Variants in GABBR2 observed in about 807,000 individuals in gnomAD.
The protein encoded by GABBR2 is G-protein coupled receptor 51.
Under a neutral mutation model 105.6 loss-of-function variants are expected in GABBR2, and 23 were observed. The ratio of observed to expected loss-of-function variants is 0.22; its 90% CI spans 0.16 to 0.31. GABBR2 has a LOEUF of 0.31. Among genes scored for constraint, GABBR2 ranks in the 10% least tolerant of loss-of-function variants. The pLI, the probability that GABBR2 is intolerant of heterozygous loss-of-function variation, is 1.00. For synonymous variants in GABBR2, 478 were observed against 499.7 expected, an observed-to-expected ratio of 0.96 and a Z score of 0.58; for missense variants, 734 against 1,245.5, an observed-to-expected ratio of 0.59 and a Z score of 6.18.
At chr9:98,313,770 CT>C (rs1830671937) in intron 13 of GABBR2, among the ~76,000 whole-genome samples, 1 of 149,508 alleles carries the variant, frequency 6.7e-6, no homozygotes, top group African/African-American at 2.5e-5. Flanking sequence ...GAAGAAGGTA[CT>C]TTGATGGGAC....
intron 6 of GABBR2, among the ~76,000 whole-genome samples, chr9:98,457,879 G>T (rs2131608898): frequency 6.6e-6 from 1 of 152,318 alleles, no homozygotes; most frequent in South Asian, 2.1e-4. Flanking sequence ...CAAGGCAGAA[G>T]AATTTCTTCC....
At chr9:98,476,402 A>C (rs1930416) in intron 5 of GABBR2, among the ~76,000 whole-genome samples, 63,285 of 152,032 alleles carry the variant, frequency 0.42, 14,579 homozygotes, top group Non-Finnish European at 0.52. Flanking sequence ...TTGGGGAAAA[A>C]AATAATACAG....
At chr9:98,333,271 C>T (rs1018860126) in intron 13 of GABBR2, among the ~76,000 whole-genome samples, 7 of 152,196 alleles carry the variant, frequency 4.6e-5, no homozygotes, top group African/African-American at 1.7e-4. Context: ...CTTCTCCTAT[C>T]TAGGCCCATT....
chr9:98,372,840 C>T (rs1257092183), intron 11 of GABBR2, among the ~76,000 whole-genome samples: 1 of 152,222 alleles, frequency 6.6e-6, no homozygotes, highest in Non-Finnish European at 1.5e-5. Context: ...GATTGCAAGG[C>T]TGACCCACTA....
chr9:98,335,602 G>C (rs1831100386), intron 13 of GABBR2, among the ~76,000 whole-genome samples: 1 of 152,118 alleles, frequency 6.6e-6, no homozygotes, highest in Non-Finnish European at 1.5e-5. Context: ...TTTTCAAAAA[G>C]ATCTTTTCTG....
At chr9:98,314,917 G>A (rs991423672) in intron 13 of GABBR2, among the ~76,000 whole-genome samples, 2 of 149,466 alleles carry the variant, frequency 1.3e-5, no homozygotes, top group Non-Finnish European at 3.0e-5. Flanking sequence ...TGCTGAGCAA[G>A]TCAGCTTGAC....
At chr9:98,628,826 C>T (rs1360824627) in intron 1 of GABBR2, among the ~76,000 whole-genome samples, 2 of 152,158 alleles carry the variant, frequency 1.3e-5, no homozygotes, top group Non-Finnish European at 2.9e-5. Flanking sequence ...CCTGTGGATC[C>T]CCCAGCTTCC....
chr9:98,349,410 T>C (rs1269582248), intron 13 of GABBR2, among the ~76,000 whole-genome samples: 2 of 137,146 alleles, frequency 1.5e-5, no homozygotes, highest in East Asian at 2.5e-4. Context: ...TGGAGTGCAA[T>C]GGCATGATCT....
intron 1 of GABBR2, among the ~76,000 whole-genome samples, chr9:98,643,355 T>C (rs1212625335): frequency 2.8e-5 from 4 of 140,616 alleles, no homozygotes; most frequent in Non-Finnish European, 6.1e-5. Context: ...TGGAATCTGC[T>C]TTTCTGCTCT....
At chr9:98,460,992 A>C (rs2779559) in intron 6 of GABBR2, among the ~76,000 whole-genome samples, 62,379 of 152,076 alleles carry the variant, frequency 0.41, 14,299 homozygotes, top group Non-Finnish European at 0.51. Flanking sequence ...ATGGAATGAC[A>C]TCTTCAGTGC....
At chr9:98,640,121 CATATATAT>C (rs6151094) in intron 1 of GABBR2, among the ~76,000 whole-genome samples, 4 of 140,900 alleles carry the variant, frequency 2.8e-5, no homozygotes, top group African/African-American at 1.0e-4. Context: ...AAAATACAAC[CATATATAT>C]ATATATATAT....
intron 1 of GABBR2, chr9:98,607,492 A>G (rs2131810639): frequency 1.7e-6 from 1 of 582,542 alleles, no homozygotes; most frequent in East Asian, 3.0e-5. Flanking sequence ...ATTAAAATAT[A>G]TGAATTTCTA....
intron 1 of GABBR2, among the ~76,000 whole-genome samples, chr9:98,595,024 C>T (rs185816695): frequency 4.6e-5 from 7 of 152,202 alleles, no homozygotes; most frequent in Admixed American, 2.6e-4. Context: ...GCACAGTCAC[C>T]GCAGAGAATG....
rs138837294 is a variant in GABBR2 at position 98,413,658 on chromosome 9, C to T, written c.1237-7517G>A. ...TGGGGTCTGTCCCACTGCCAGCCTT[C>T]GGCGGGTGGACAATAAGGATGCAGG... On this transcript the variant is annotated intron_variant, in intron 7 of 18. Transcript: ENST00000259455. 7.4e-3 allele frequency among the ~76,000 whole-genome samples: 1,129 copies of T among 152,278 alleles called. 12 individuals are homozygous for T. The highest frequency in any genetic ancestry group is 0.023 in the African/African-American group (937 of 41,544).
At chr9:98,488,754 C>T (rs1030829374) in intron 4 of GABBR2, among the ~76,000 whole-genome samples, 1 of 140,600 alleles carries the variant, frequency 7.1e-6, no homozygotes, top group Non-Finnish European at 1.6e-5. Context: ...GTATGAGTAA[C>T]CTTGGAATGT....
intron 1 of GABBR2, among the ~76,000 whole-genome samples, chr9:98,656,146 G>A (rs1476157267): frequency 2.6e-5 from 4 of 152,202 alleles, no homozygotes; most frequent in Admixed American, 2.6e-4. Context: ...GTAGGCCAGT[G>A]TAGTCACCAA....
intron 8 of GABBR2, among the ~76,000 whole-genome samples, chr9:98,401,310 A>T (rs966101695): frequency 1.3e-5 from 2 of 152,218 alleles, no homozygotes; most frequent in East Asian, 3.8e-4. Context: ...CATGAGAGGG[A>T]ATGAGTTCCC....
At chr9:98,477,440 A>G (rs1342989631) in intron 5 of GABBR2, among the ~76,000 whole-genome samples, 1 of 152,216 alleles carries the variant, frequency 6.6e-6, no homozygotes, top group Non-Finnish European at 1.5e-5. Context: ...AGGTCTTGCC[A>G]TGCTGCCCAG....
chr9:98,573,818 C>T (rs1828870882), intron 2 of GABBR2, among the ~76,000 whole-genome samples: 3 of 152,122 alleles, frequency 2.0e-5, no homozygotes. Flanking sequence ...AATTGTAATA[C>T]CACAGGCATG....
Sources: gnomAD v4.1 joint callset for allele counts (sites outside exome capture counted in the v4.1 genomes callset) on GRCh38, gnomAD v4.1.1 for gene constraint, MANE v1.5 for transcripts, NCBI Gene and HGNC (gene_info 2026-07-23, HGNC 2026-07-21) for gene names.